GRID2: variants seen among roughly 807,000 people sequenced by gnomAD.
The protein encoded by GRID2 is glutamate ionotropic receptor delta type subunit 2.
GRID2 carries 33 observed loss-of-function variants against 114.8 expected under a neutral mutation model. The ratio of observed to expected loss-of-function variants is 0.29; its 90% CI spans 0.22 to 0.38. GRID2 has a LOEUF of 0.38. Ranked by LOEUF, GRID2 falls within the 10% of genes least tolerant of loss-of-function variation. The pLI is 1.00. For missense variants in GRID2, 1,184 were observed against 1,257.7 expected, an observed-to-expected ratio of 0.94 and a Z score of 0.89; for synonymous variants, 505 against 449.9, an observed-to-expected ratio of 1.12 and a Z score of -1.55.
chr4:93,026,410 T>A (rs1723886446), intron 2 of GRID2, among the ~76,000 whole-genome samples: 1 of 151,912 alleles, frequency 6.6e-6, no homozygotes, highest in Non-Finnish European at 1.5e-5. Flanking sequence ...CAGTACAGAA[T>A]GAATTATATC....
rs759435625 is a variant in GRID2, at chr4:92,936,406, G to C, written c.245-148589G>C. 4.0e-4 allele frequency among the ~76,000 whole-genome samples: 59 copies of C among 146,698 alleles called. 6 individuals carry two copies. The highest frequency in any genetic ancestry group is 1.8e-3 in the Admixed American group (24 of 13,556). Reference sequence around the variant, plus strand: ...TTATACTGCCTAATTCATGATAATAGAGTTAAGGGGTCTGTTTTATTTAAA... The same window carrying C: ...TTATACTGCCTAATTCATGATAATACAGTTAAGGGGTCTGTTTTATTTAAA... On this transcript the variant is annotated intron_variant, in intron 2 of 15. Coordinates refer to ENST00000282020, the MANE Select transcript of GRID2 (RefSeq NM_001510.4).
chr4:92,762,206 C>G (rs1249486136), intron 2 of GRID2, among the ~76,000 whole-genome samples: 1 of 152,088 alleles, frequency 6.6e-6, no homozygotes, highest in Non-Finnish European at 1.5e-5. Flanking sequence ...AGCCACCGCG[C>G]CCAGCCTATG....
intron 4 of GRID2, among the ~76,000 whole-genome samples, chr4:93,181,334 G>T (rs528533618): frequency 1.8e-4 from 27 of 152,252 alleles, no homozygotes; most frequent in African/African-American, 6.0e-4. Flanking sequence ...AAACAGATGT[G>T]CTGTCATCCA....
chr4:93,544,908 C>G (rs1487325401), intron 13 of GRID2, among the ~76,000 whole-genome samples: 3 of 152,186 alleles, frequency 2.0e-5, no homozygotes, highest in Non-Finnish European at 4.4e-5. Flanking sequence ...AACACCTACT[C>G]TAATGCTATC....
chr4:92,806,210 C>CAT (rs1740408441), intron 2 of GRID2, among the ~76,000 whole-genome samples: 1 of 147,816 alleles, frequency 6.8e-6, no homozygotes, highest in Non-Finnish European at 1.5e-5. Flanking sequence ...CACACACACA[C>CAT]ACGGATATCT....
chr4:93,168,170 C>G (rs1459816703), intron 4 of GRID2, among the ~76,000 whole-genome samples: 1 of 150,672 alleles, frequency 6.6e-6, no homozygotes, highest in African/African-American at 2.5e-5. Context: ...GCACTGCACT[C>G]CAGCCTGAGC....
rs151117361 is a variant in GRID2 at position 92,937,578 on chromosome 4, T to G, written c.245-147417T>G. The stretch of plus-strand genomic sequence containing the variant: ...CCAATGATCCATATATTTATATTTA[T>G]GTCAGTATCAAATTATCTGGATTAC... On this transcript the variant is annotated intron_variant, in intron 2 of 15. Transcript: ENST00000282020. Among the ~76,000 whole-genome samples, 690 of 146,846 alleles carry G rather than the reference T, an allele frequency of 4.7e-3. 26 individuals are homozygous for G. Among genetic ancestry groups the G allele is most frequent in the African/African-American group, 0.016 (660 of 41,310 alleles).
intron 2 of GRID2, among the ~76,000 whole-genome samples, chr4:92,618,909 A>G (rs182681729): frequency 1.3e-5 from 2 of 151,846 alleles, no homozygotes; most frequent in East Asian, 3.9e-4. Flanking sequence ...TTTGTTTAGC[A>G]GTTCTGAGAG....
At chr4:92,350,239 A>G (rs1727997813) in intron 1 of GRID2, among the ~76,000 whole-genome samples, 1 of 151,782 alleles carries the variant, frequency 6.6e-6, no homozygotes, top group African/African-American at 2.4e-5. Context: ...ATAATCTGCT[A>G]TTCTTTCCCT....
chr4:92,967,079 T>C lies in GRID2; in HGVS notation c.245-117916T>C, dbSNP rs144387337. ...CCTAATTACAAGTGTACCCACTTTA[T>C]ATGTACTCTCCACTTAAGGCAACAA... On this transcript the variant is annotated intron_variant, in intron 2 of 15. Transcript: ENST00000282020. Among the ~76,000 whole-genome samples, 26 of 151,428 alleles carry C rather than the reference T, an allele frequency of 1.7e-4. No homozygotes were observed. In the East Asian group the frequency reaches 4.7e-3, roughly 27 times the overall value.
chr4:92,945,381 C>G (rs1011481052), intron 2 of GRID2, among the ~76,000 whole-genome samples: 1 of 152,004 alleles, frequency 6.6e-6, no homozygotes, highest in African/African-American at 2.4e-5. Flanking sequence ...TGTAAATAAG[C>G]TGTTTTTTTT....
chr4:92,391,890 A>G (rs1028282743), intron 1 of GRID2, among the ~76,000 whole-genome samples: 7 of 152,180 alleles, frequency 4.6e-5, no homozygotes, highest in African/African-American at 1.7e-4. Context: ...GCTTTTGTGA[A>G]AAGACTCCCA....
At chr4:93,480,863 TTCTTGGA>T (rs1410730649) in intron 11 of GRID2, among the ~76,000 whole-genome samples, 4 of 152,062 alleles carry the variant, frequency 2.6e-5, no homozygotes, top group Non-Finnish European at 5.9e-5. Context: ...GTGACCAAGT[TTCTTGGA>T]ACAGATTCAT....
intron 14 of GRID2, among the ~76,000 whole-genome samples, chr4:93,709,488 C>T (rs993742958): frequency 2.6e-5 from 4 of 152,138 alleles, no homozygotes; most frequent in Non-Finnish European, 5.9e-5. Context: ...TTCCTTTTCT[C>T]TTGCGGCTTT....
At chr4:92,868,782 A>G (rs764110508) in intron 2 of GRID2, among the ~76,000 whole-genome samples, 1 of 152,080 alleles carries the variant, frequency 6.6e-6, no homozygotes, top group Non-Finnish European at 1.5e-5. Flanking sequence ...AATTTCATGA[A>G]CTAACTTCTA....
chr4:92,544,016 T>A (rs910208758), intron 1 of GRID2, among the ~76,000 whole-genome samples: 2 of 152,160 alleles, frequency 1.3e-5, no homozygotes, highest in Non-Finnish European at 2.9e-5. Flanking sequence ...TATTTATATC[T>A]TGAAAATTGC....
chr4:92,975,355 A>G (rs1170755521), intron 2 of GRID2, among the ~76,000 whole-genome samples: 4 of 151,992 alleles, frequency 2.6e-5, no homozygotes, highest in Admixed American at 1.3e-4. Flanking sequence ...GCAATCTTCA[A>G]TTCCTTAAGA....
chr4:93,184,564 C>T (rs1236370915), intron 4 of GRID2, among the ~76,000 whole-genome samples: 1 of 151,132 alleles, frequency 6.6e-6, no homozygotes, highest in Admixed American at 6.6e-5. Context: ...TTCTCAAGTC[C>T]CTACAGCTGA....
intron 2 of GRID2, among the ~76,000 whole-genome samples, chr4:92,997,260 AG>A (rs1353457402): frequency 6.6e-6 from 1 of 152,138 alleles, no homozygotes; most frequent in Non-Finnish European, 1.5e-5. Flanking sequence ...GAGTGAAAGG[AG>A]TTCATGTCTA....
Sources: gnomAD v4.1 joint callset for allele counts (sites outside exome capture counted in the v4.1 genomes callset) on GRCh38, gnomAD v4.1.1 for gene constraint, MANE v1.5 for transcripts, NCBI Gene and HGNC (gene_info 2026-07-23, HGNC 2026-07-21) for gene names.